Variants in ARHGAP24 observed in about 807,000 individuals in gnomAD.
ARHGAP24 encodes rho GTPase-activating protein 24.
ARHGAP24 carries 50 observed loss-of-function variants against 76.4 expected under a neutral mutation model. The ratio of observed to expected loss-of-function variants is 0.65; its 90% confidence interval spans 0.52 to 0.83. The LOEUF is 0.83. Ranked by LOEUF, ARHGAP24 falls within the 40% of genes least tolerant of loss-of-function variation. The probability of loss-of-function intolerance (pLI) is 0.00; values close to 1 mark genes in which losing one functional copy is unlikely to be tolerated. For synonymous variants in ARHGAP24, 345 were observed against 323.3 expected, an observed-to-expected ratio of 1.07 and a Z score of -0.72; for missense variants, 930 against 914.2, an observed-to-expected ratio of 1.02 and a Z score of -0.22.
chr4:85,542,898 T>C (rs1464884055), intron 1 of ARHGAP24, among the ~76,000 whole-genome samples: 1 of 152,214 alleles, frequency 6.6e-6, no homozygotes, highest in East Asian at 1.9e-4. Flanking sequence ...GGGATGATAA[T>C]AATAGCATCT....
At chr4:85,814,942 C>T (rs1729172968) in intron 3 of ARHGAP24, among the ~76,000 whole-genome samples, 1 of 152,306 alleles carries the variant, frequency 6.6e-6, no homozygotes, top group Non-Finnish European at 1.5e-5. Context: ...GAAATCTAGG[C>T]GGAGGTTCCC....
At chr4:85,915,520 A>G (rs1043667292) in intron 3 of ARHGAP24, among the ~76,000 whole-genome samples, 1 of 152,140 alleles carries the variant, frequency 6.6e-6, no homozygotes, top group African/African-American at 2.4e-5. Flanking sequence ...TGCCGCACCC[A>G]TCAACCTGTC....
intron 5 of ARHGAP24, among the ~76,000 whole-genome samples, chr4:85,944,351 A>T (rs776795462): frequency 5.3e-5 from 8 of 152,172 alleles, no homozygotes; most frequent in Non-Finnish European, 8.8e-5. Context: ...CTTGAAAATT[A>T]AAAATAGCCT....
At chr4:85,859,304 A>C (rs1731757322) in intron 3 of ARHGAP24, among the ~76,000 whole-genome samples, 1 of 151,968 alleles carries the variant, frequency 6.6e-6, no homozygotes, top group African/African-American at 2.4e-5. Context: ...CTACAGAATC[A>C]GTTTCTCAGT....
chr4:85,895,212 G>A (rs138010217), intron 3 of ARHGAP24, among the ~76,000 whole-genome samples: 357 of 151,946 alleles, frequency 2.3e-3, no homozygotes, highest in Non-Finnish European at 3.6e-3. Flanking sequence ...TAAAATAAAA[G>A]TAATATATTT....
In ARHGAP24 at chr4:85,566,155, G is replaced by C. The variant is rs1578041385; in HGVS notation, c.-20-4367G>C. Among the ~76,000 whole-genome samples the C allele has an allele frequency of 2.0e-5, 3 of 152,282 alleles. No homozygotes were observed. The East Asian group carries it at 5.8e-4, about 29-fold the overall frequency. ...GTTTTTGTTTTAGTTTGGAATAACT[G>C]TTTATTTAGATTATTACTTTGTTCA... On this transcript the variant is annotated intron_variant, in intron 1 of 9. Transcript: ENST00000395184.
chr4:85,881,301 T>C (rs894643840), intron 3 of ARHGAP24, among the ~76,000 whole-genome samples: 1 of 152,218 alleles, frequency 6.6e-6, no homozygotes, highest in African/African-American at 2.4e-5. Context: ...AATTATTTAC[T>C]TGTGAAATTT....
intron 3 of ARHGAP24, among the ~76,000 whole-genome samples, chr4:85,891,186 G>C (rs1027056396): frequency 6.6e-6 from 1 of 152,140 alleles, no homozygotes. Flanking sequence ...ACTACATTGG[G>C]ACGAGAGTAA....
At chr4:85,582,003 G>T (rs552561360) in intron 2 of ARHGAP24, among the ~76,000 whole-genome samples, 1 of 152,154 alleles carries the variant, frequency 6.6e-6, no homozygotes, top group Non-Finnish European at 1.5e-5. Flanking sequence ...GTTTCTAGAA[G>T]TTTTGTGTAG....
intron 2 of ARHGAP24, among the ~76,000 whole-genome samples, chr4:85,610,671 T>C (rs1334403549): frequency 6.6e-6 from 1 of 151,682 alleles, no homozygotes; most frequent in Admixed American, 6.6e-5. Context: ...CTTGTGGTGG[T>C]TTTTGCTACC....
intron 3 of ARHGAP24, among the ~76,000 whole-genome samples, chr4:85,752,467 TA>T (rs33922364): frequency 0.034 from 5,103 of 152,106 alleles, 308 homozygotes; most frequent in African/African-American, 0.12. Context: ...CTTGTTACAT[TA>T]AAAAAAAAAA....
chr4:85,938,784 T>C (rs1005269917), intron 4 of ARHGAP24, among the ~76,000 whole-genome samples: 1 of 152,150 alleles, frequency 6.6e-6, no homozygotes, highest in South Asian at 2.1e-4. Flanking sequence ...GGAAATTGCT[T>C]TGGGGGGCAG....
At chr4:85,544,689 T>C (rs926844079) in intron 1 of ARHGAP24, among the ~76,000 whole-genome samples, 24 of 151,956 alleles carry the variant, frequency 1.6e-4, no homozygotes, top group African/African-American at 4.4e-4. Context: ...TATATATATA[T>C]ACACACATAC....
intron 3 of ARHGAP24, among the ~76,000 whole-genome samples, chr4:85,910,391 C>T (rs922395402): frequency 2.0e-5 from 3 of 152,132 alleles, no homozygotes; most frequent in African/African-American, 7.2e-5. Context: ...TCTTGTCCTG[C>T]GACCAAGAAC....
At chr4:85,631,809 A>T (rs1721167902) in intron 2 of ARHGAP24, among the ~76,000 whole-genome samples, 1 of 152,090 alleles carries the variant, frequency 6.6e-6, no homozygotes, top group African/African-American at 2.4e-5. Context: ...CTTTGTCACC[A>T]TGTTTTCTAC....
At chr4:85,516,595 T>A (rs10023427) in intron 1 of ARHGAP24, among the ~76,000 whole-genome samples, 2,236 of 149,064 alleles carry the variant, frequency 0.015, 52 homozygotes, top group African/African-American at 0.052. Context: ...TGTATTTTTT[T>A]AAAACTTTGT....
chr4:85,513,961 A>G (rs886618338), intron 1 of ARHGAP24, among the ~76,000 whole-genome samples: 2 of 152,082 alleles, frequency 1.3e-5, no homozygotes, highest in Non-Finnish European at 2.9e-5. Flanking sequence ...GTATGTTGTC[A>G]TTACCTGCAG....
chr4:85,776,671 C>T (rs1480951458), intron 3 of ARHGAP24, among the ~76,000 whole-genome samples: 2 of 152,110 alleles, frequency 1.3e-5, no homozygotes, highest in Non-Finnish European at 2.9e-5. Context: ...GAATTCAATA[C>T]CCATAATCTA....
chr4:85,638,649 G>A (rs1721411034), intron 2 of ARHGAP24, among the ~76,000 whole-genome samples: 1 of 151,964 alleles, frequency 6.6e-6, no homozygotes, highest in African/African-American at 2.4e-5. Flanking sequence ...AATATGTTGG[G>A]CACCTTATCA....
Sources: gnomAD v4.1 joint callset for allele counts (sites outside exome capture counted in the v4.1 genomes callset) on GRCh38, gnomAD v4.1.1 for gene constraint, MANE v1.5 for transcripts, NCBI Gene and HGNC (gene_info 2026-07-23, HGNC 2026-07-21) for gene names.